Variants in USH2A observed in about 807,000 individuals in gnomAD.
USH2A encodes the protein usherin, also known as Usher syndrome 2A (autosomal recessive, mild).
USH2A carries 443 observed loss-of-function variants against 538.9 expected under a neutral mutation model. That is an observed-to-expected ratio of 0.82 (90% CI 0.76 to 0.89). The LOEUF (loss-of-function observed/expected upper bound fraction) is 0.89. Ranked by LOEUF, USH2A falls within the 40% of genes least tolerant of loss-of-function variation. USH2A has a pLI of 0.00. For missense variants in USH2A, 6,633 were observed against 6,324.8 expected (o/e 1.05, Z -1.65); for synonymous variants, 2,413 against 2,273.5 (o/e 1.06, Z -1.75).
intron 56 of USH2A, among the ~76,000 whole-genome samples, chr1:215,763,128 C>A (rs1369283721): frequency 1.3e-5 from 2 of 152,176 alleles, no homozygotes; most frequent in Non-Finnish European, 2.9e-5. Flanking sequence ...TTAATTTATT[C>A]ACTCAACATT....
intron 67 of USH2A, among the ~76,000 whole-genome samples, chr1:215,646,661 G>A (rs1161232478): frequency 6.6e-6 from 1 of 152,032 alleles, no homozygotes; most frequent in Non-Finnish European, 1.5e-5. Context: ...TGAGTAGCTG[G>A]GATTACAGGT....
chr1:216,404,617 G>C (rs1232812149), intron 3 of USH2A, among the ~76,000 whole-genome samples: 1 of 98,614 alleles, frequency 1.0e-5, no homozygotes, highest in Non-Finnish European at 2.0e-5. Context: ...TGAAACATAG[G>C]CTTTTTTTTT....
chr1:216,106,858 A>G (rs2032748201), intron 21 of USH2A, among the ~76,000 whole-genome samples: 1 of 151,860 alleles, frequency 6.6e-6, no homozygotes, highest in South Asian at 2.1e-4. Flanking sequence ...TTTTTTGTTA[A>G]AAAATTCCCC....
chr1:216,072,677 T>G, intron 29 of USH2A: 1 of 600,876 alleles, frequency 1.7e-6, no homozygotes, highest in South Asian at 1.9e-5. Context: ...GGATCAAGTC[T>G]GAGCAAGTAT....
At chr1:215,814,582 T>C (rs535096843) in intron 48 of USH2A, among the ~76,000 whole-genome samples, 1 of 152,174 alleles carries the variant, frequency 6.6e-6, no homozygotes, top group East Asian at 1.9e-4. Context: ...CGAGATTTGA[T>C]GGTTTAAAAG....
intron 60 of USH2A, among the ~76,000 whole-genome samples, chr1:215,736,756 T>C (rs1471057821): frequency 6.6e-6 from 1 of 151,992 alleles, no homozygotes; most frequent in African/African-American, 2.4e-5. Context: ...ACAATCTTAC[T>C]TATAATCATC....
At chr1:215,673,349 T>A (rs2102663724) in intron 63 of USH2A, among the ~76,000 whole-genome samples, 1 of 152,356 alleles carries the variant, frequency 6.6e-6, no homozygotes, top group East Asian at 1.9e-4. Flanking sequence ...TTAATTTTTT[T>A]AAGTGATTCT....
intron 58 of USH2A, among the ~76,000 whole-genome samples, chr1:215,744,954 T>C (rs142883234): frequency 6.0e-4 from 91 of 152,350 alleles, no homozygotes; most frequent in African/African-American, 2.2e-3. Context: ...TAGCTTTCTA[T>C]CTTTCCGGTA....
rs562699575 is a variant in USH2A, at chr1:216,082,388, T to G, written c.5298+1068A>C. On this transcript the variant is annotated intron_variant, in intron 26 of 71. Transcript: ENST00000307340. ...ACAAATATTTAAAAAAGCAGAAATT[T>G]TAATAAATACTATGAAGGGATAAAT... Among the ~76,000 whole-genome samples the G allele has an allele frequency of 9.9e-5, 15 of 150,834 alleles. 1 individual carries two copies. The South Asian group carries it at 2.7e-3, about 27-fold the overall frequency.
intron 16 of USH2A, among the ~76,000 whole-genome samples, chr1:216,203,252 T>C (rs893566024): frequency 6.6e-6 from 1 of 151,786 alleles, no homozygotes; most frequent in East Asian, 1.9e-4. Context: ...CATATACACA[T>C]ATATATACAT....
At chr1:216,194,502 A>C (rs2034794005) in intron 19 of USH2A, among the ~76,000 whole-genome samples, 1 of 152,182 alleles carries the variant, frequency 6.6e-6, no homozygotes, top group Non-Finnish European at 1.5e-5. Flanking sequence ...AGTATTCTTT[A>C]TATCGATAGC....
At chr1:216,336,211 G>T (rs2037971540) in intron 4 of USH2A, among the ~76,000 whole-genome samples, 1 of 151,324 alleles carries the variant, frequency 6.6e-6, no homozygotes, top group East Asian at 1.9e-4. Flanking sequence ...AACACTTCAT[G>T]ATAAAATTTT....
chr1:216,001,760 A>G (rs1191712203), intron 32 of USH2A, among the ~76,000 whole-genome samples: 2 of 152,214 alleles, frequency 1.3e-5, no homozygotes, highest in Non-Finnish European at 2.9e-5. Flanking sequence ...TGATAACAAA[A>G]GTAAACTGGG....
At chr1:215,939,704 T>G (rs1179586535) in intron 37 of USH2A, among the ~76,000 whole-genome samples, 15 of 152,246 alleles carry the variant, frequency 9.9e-5, no homozygotes, top group African/African-American at 3.6e-4. Context: ...CATAAATGGG[T>G]ATCCTTTCCT....
At chr1:215,670,455 C>G (rs1657778861) in intron 64 of USH2A, among the ~76,000 whole-genome samples, 1 of 152,138 alleles carries the variant, frequency 6.6e-6, no homozygotes. Flanking sequence ...TAATTCTTGG[C>G]TTTTTAAGAA....
chr1:216,170,491 C>T lies in USH2A; in HGVS notation c.4627+4761G>A, dbSNP rs1463215085. On this transcript the variant is annotated intron_variant, in intron 21 of 71. Coordinates refer to ENST00000307340, the MANE Select transcript of USH2A (RefSeq NM_206933.4). ...AATTATATCCAGGTGCATGTGTGTG[C>T]TCATCTCCCCAGTGGTTTGCTACAA... Among the ~76,000 whole-genome samples, 4 of 152,080 alleles carry T rather than the reference C, an allele frequency of 2.6e-5. No homozygotes were observed. In the East Asian group the frequency reaches 7.8e-4, roughly 29 times the overall value.
At chr1:216,082,364 C>T (rs1398936230) in intron 26 of USH2A, among the ~76,000 whole-genome samples, 1 of 128,254 alleles carries the variant, frequency 7.8e-6, no homozygotes, top group Non-Finnish European at 1.7e-5. Context: ...AGAGGACAAA[C>T]AAATATTTAA....
intron 61 of USH2A, among the ~76,000 whole-genome samples, chr1:215,708,542 G>A (rs754561272): frequency 2.0e-5 from 3 of 152,208 alleles, no homozygotes; most frequent in Non-Finnish European, 4.4e-5. Flanking sequence ...CCATGGAAGG[G>A]GGAGGTGGGG....
intron 35 of USH2A, among the ~76,000 whole-genome samples, chr1:215,974,422 T>G (rs879563705): frequency 1.3e-5 from 2 of 152,238 alleles, no homozygotes; most frequent in East Asian, 3.9e-4. Context: ...ATGCTGAGGT[T>G]TGGGATGTGA....
Sources: allele counts gnomAD v4.1 joint callset (sites outside exome capture counted in the v4.1 genomes callset), GRCh38; gene constraint gnomAD v4.1.1; transcripts MANE v1.5; gene names NCBI Gene and HGNC (gene_info 2026-07-23, HGNC 2026-07-21).